CLHC1: variants seen among roughly 807,000 people sequenced by gnomAD.
The protein encoded by CLHC1 is clathrin heavy chain linker domain-containing protein 1.
In CLHC1, 72 loss-of-function variants were observed where a neutral mutation model predicts 69.5. The ratio of observed to expected loss-of-function variants is 1.04; its 90% CI spans 0.86 to 1.26. CLHC1 has a LOEUF of 1.26. Among genes scored for constraint, CLHC1 ranks in the 50% most tolerant of loss-of-function variants. The pLI, the probability that CLHC1 is intolerant of heterozygous loss-of-function variation, is 0.00. For synonymous variants in CLHC1, 223 were observed against 224.3 expected (o/e 0.99, Z 0.05); for missense variants, 790 against 679.3 (o/e 1.16, Z -1.81).
At chr2:55,201,420 G>T (rs544611050) in intron 9 of CLHC1, among the ~76,000 whole-genome samples, 4 of 151,994 alleles carry the variant, frequency 2.6e-5, no homozygotes, top group Non-Finnish European at 5.9e-5. Context: ...AAACCTAGAA[G>T]AAATGAATAA....
intron 4 of CLHC1, among the ~76,000 whole-genome samples, chr2:55,216,546 T>C (rs1454487406): frequency 6.6e-6 from 1 of 152,018 alleles, no homozygotes; most frequent in Non-Finnish European, 1.5e-5. Context: ...ATTCCTTTTT[T>C]TTTTCTTGAG....
intron 9 of CLHC1, among the ~76,000 whole-genome samples, chr2:55,197,292 A>G (rs1391382731): frequency 6.6e-6 from 1 of 152,204 alleles, no homozygotes; most frequent in Admixed American, 6.5e-5. Context: ...AGGAAAAAAA[A>G]CAAGCCTGGA....
intron 9 of CLHC1, among the ~76,000 whole-genome samples, chr2:55,188,180 G>A (rs1161958664): frequency 6.6e-6 from 1 of 152,102 alleles, no homozygotes; most frequent in Non-Finnish European, 1.5e-5. Context: ...GCCAGGCGTG[G>A]TGGCTCACAG....
intron 11 of CLHC1, among the ~76,000 whole-genome samples, chr2:55,180,170 T>C (rs1383863113): frequency 6.6e-6 from 1 of 151,878 alleles, no homozygotes; most frequent in Non-Finnish European, 1.5e-5. Flanking sequence ...AATATATATA[T>C]ATATATCTCA....
rs1008742559 is a variant in CLHC1, at chr2:55,180,456, T to C, written c.1384+54A>G. On this transcript the variant is annotated intron_variant, in intron 11 of 12. Coordinates refer to ENST00000401408, the MANE Select transcript of CLHC1 (RefSeq NM_152385.4). ...TAGTGCTTGCTATTATGGGTAATCTTACAATTAAAGCCCAGAATTCAAATG... is the reference window on the plus strand; with the variant it reads ...TAGTGCTTGCTATTATGGGTAATCTCACAATTAAAGCCCAGAATTCAAATG... 55 of 1,349,616 alleles carry C rather than the reference T, an allele frequency of 4.1e-5. No individual in the cohort carries two copies. The East Asian group carries it at 1.2e-3, about 28-fold the overall frequency. The allele number at this position is 1,349,616 out of a possible 1,614,324, so 83.6% of individuals were successfully genotyped here.
chr2:55,178,928 T>G (rs1355133816), intron 11 of CLHC1, among the ~76,000 whole-genome samples: 1 of 149,682 alleles, frequency 6.7e-6, no homozygotes, highest in African/African-American at 2.4e-5. Flanking sequence ...ATTATTATTA[T>G]TATTATTATT....
intron 9 of CLHC1, among the ~76,000 whole-genome samples, chr2:55,188,864 G>C (rs1293411698): frequency 1.3e-5 from 2 of 152,086 alleles, no homozygotes; most frequent in African/African-American, 2.4e-5. Context: ...AACACATGCA[G>C]GATTAAAGAA....
chr2:55,215,903 G>C (rs1673445681), intron 4 of CLHC1: 2 of 152,032 alleles, frequency 1.3e-5, no homozygotes, highest in African/African-American at 4.8e-5. Flanking sequence ...CCAGTAGGAA[G>C]GTCTATCTCA....
intron 2 of CLHC1, among the ~76,000 whole-genome samples, chr2:55,227,509 C>G (rs1674822243): frequency 6.6e-6 from 1 of 152,000 alleles, no homozygotes; most frequent in South Asian, 2.1e-4. Context: ...GAAACCACAT[C>G]TCTACTAAAA....
At chr2:55,223,075 G>A (rs997353800) in intron 2 of CLHC1, among the ~76,000 whole-genome samples, 1 of 152,016 alleles carries the variant, frequency 6.6e-6, no homozygotes, top group Non-Finnish European at 1.5e-5. Flanking sequence ...GGTTTCTTAT[G>A]TATAATTCAC....
At chr2:55,187,518 A>G (rs1001910680) in intron 9 of CLHC1, among the ~76,000 whole-genome samples, 9 of 151,916 alleles carry the variant, frequency 5.9e-5, no homozygotes, top group Admixed American at 5.2e-4. Context: ...TGGTTGGGGC[A>G]TAAGAATCAC....
chr2:55,181,116 G>A (rs896147606), intron 10 of CLHC1, among the ~76,000 whole-genome samples: 2 of 152,106 alleles, frequency 1.3e-5, no homozygotes, highest in African/African-American at 2.4e-5. Flanking sequence ...GAGTAGCAGG[G>A]ACTACAGCCG....
In CLHC1 at chr2:55,222,251, C is replaced by A; in HGVS notation, c.161G>T (p.Arg54Leu). ...TTATGATACCTTATCAAAAACATTT[C>A]GGTATATGATGTAATATTCATCAGC... is the stretch of plus-strand genomic sequence containing the variant. ...GPADEYYIIY[R>L]NVFDKVIEHI... is the part of the protein sequence containing the mutation. The change falls in exon 3 of 13, where the codon CGA becomes CTA. Residue 54 changes from arginine (R) to leucine (L), a missense_variant. Physicochemically the swap from Arg to Leu is moderately radical, Grantham distance 102. Coordinates refer to ENST00000401408, the MANE Select transcript of CLHC1 (RefSeq NM_152385.4). The A allele has an allele frequency of 1.9e-6, 3 of 1,611,840 alleles. No individual in the cohort carries two copies. In the Admixed American group the frequency reaches 5.0e-5, roughly 27 times the overall value.
intron 5 of CLHC1, among the ~76,000 whole-genome samples, chr2:55,212,155 T>C (rs9309263): frequency 0.31 from 47,050 of 152,066 alleles, 7,862 homozygotes; most frequent in African/African-American, 0.44. Context: ...CACGCGCCTG[T>C]AATCCCAGCT....
chr2:55,209,343 C>T (rs765066031), intron 7 of CLHC1, 61 bp downstream of exon 7: 41 of 998,706 alleles, frequency 4.1e-5, no homozygotes, highest in Admixed American at 9.0e-5. Context: ...CCCATTCTAA[C>T]TAGCTAGCGA....
At chr2:55,213,203 C>G (rs1573732881) in intron 4 of CLHC1, among the ~76,000 whole-genome samples, 1 of 152,140 alleles carries the variant, frequency 6.6e-6, no homozygotes, top group Non-Finnish European at 1.5e-5. Flanking sequence ...ATTCTGGAAG[C>G]CAGAAATTCA....
chr2:55,196,109 TCAGC>T (rs1671389138), intron 9 of CLHC1, among the ~76,000 whole-genome samples: 2 of 152,150 alleles, frequency 1.3e-5, no homozygotes, highest in African/African-American at 4.8e-5. Flanking sequence ...CAGGCAGAAC[TCAGC>T]CAATTCTCAT....
upstream of CLHC1, chr2:55,232,424 T>C: frequency 3.5e-6 from 1 of 287,644 alleles, no homozygotes. Flanking sequence ...CTTTTAAAAA[T>C]TCTCTTAGCC....
chr2:55,192,122 T>A (rs1350805501), intron 9 of CLHC1, among the ~76,000 whole-genome samples: 1 of 151,950 alleles, frequency 6.6e-6, no homozygotes, highest in East Asian at 1.9e-4. Context: ...GTTGTTGCTG[T>A]TGTTGTTGTT....
Sources: allele counts gnomAD v4.1 joint callset (sites outside exome capture counted in the v4.1 genomes callset), GRCh38; gene constraint gnomAD v4.1.1; transcripts MANE v1.5; gene names NCBI Gene and HGNC (gene_info 2026-07-23, HGNC 2026-07-21).